The following TNIP1 variants were observed in gnomAD, a reference collection of about 807,000 sequenced individuals.
TNIP1 encodes the protein TNFAIP3 interacting protein 1.
Under a neutral mutation model 86.6 loss-of-function variants are expected in TNIP1, and 22 were observed. That is an observed-to-expected ratio of 0.25 (90% CI 0.18 to 0.36). TNIP1 has a LOEUF of 0.36. Among genes scored for constraint, TNIP1 ranks in the 10% least tolerant of loss-of-function variants. The pLI, the probability that TNIP1 is intolerant of heterozygous loss-of-function variation, is 1.00. For synonymous variants in TNIP1, 294 were observed against 313.0 expected (o/e 0.94, Z 0.64); for missense variants, 709 against 820.6 (o/e 0.86, Z 1.66).
At chr5:151,065,300 C>G (rs527591646) in intron 1 of TNIP1, among the ~76,000 whole-genome samples, 169 bp from the exon 2 acceptor site, 4 of 152,222 alleles carry the variant, frequency 2.6e-5, no homozygotes, top group Non-Finnish European at 4.4e-5. Context: ...GACGCTCTGC[C>G]TCTATTAATA....
At chr5:151,059,840 T>C (rs1407058229) in intron 5 of TNIP1, among the ~76,000 whole-genome samples, 1 of 90,088 alleles carries the variant, frequency 1.1e-5, no homozygotes, top group African/African-American at 6.0e-5. Flanking sequence ...TGTGTGTGTG[T>C]GTGTGTGTGT....
At chr5:151,072,674 C>T (rs1392392822) in intron 1 of TNIP1, among the ~76,000 whole-genome samples, 1 of 152,232 alleles carries the variant, frequency 6.6e-6, no homozygotes, top group African/African-American at 2.4e-5. Flanking sequence ...GCCCCCCCTC[C>T]AGTCCCCCAC....
chr5:151,045,394 T>C (rs1759023859), intron 9 of TNIP1, among the ~76,000 whole-genome samples: 2 of 152,108 alleles, frequency 1.3e-5, no homozygotes, highest in African/African-American at 4.8e-5. Context: ...CCAGCCAAGG[T>C]AGCTTTTAAC....
In TNIP1 at chr5:151,035,664, C is replaced by A. The variant is rs1187179448; in HGVS notation, c.1439G>T (p.Arg480Leu). The A allele has an allele frequency of 6.2e-7, 1 of 1,614,038 alleles. No individual in the cohort carries two copies. Among genetic ancestry groups the A allele is most frequent in the Admixed American group, 1.7e-5 (1 of 59,998 alleles). The change falls in exon 14 of 18, where the codon CGT becomes CTT. Residue 480 changes from arginine (R) to leucine (L), a missense_variant. Arg to Leu is a moderately radical substitution (Grantham distance 102, BLOSUM62 -2). Coordinates refer to ENST00000521591, the MANE Select transcript of TNIP1 (RefSeq NM_006058.5). ...TTCCTTCTCCTCATTCATGCGCTCA[C>A]GATCACTGCGCTCCCTCTGGAAGTC... ...EEDFQRERSDRERMNEEKEEL... is the reference protein window; with the variant it reads ...EEDFQRERSDLERMNEEKEEL...
intron 8 of TNIP1, among the ~76,000 whole-genome samples, chr5:151,046,758 C>A (rs1171015142): frequency 6.6e-6 from 1 of 152,126 alleles, no homozygotes; most frequent in Non-Finnish European, 1.5e-5. Flanking sequence ...AAAACGGGAA[C>A]ACTTTGAACA....
chr5:151,080,940 G>A lies in TNIP1; in HGVS notation c.-97C>T, dbSNP rs1254548391. The A allele has an allele frequency of 6.6e-6, 1 of 152,194 alleles. No homozygotes were observed. The highest frequency in any genetic ancestry group is 2.4e-5 in the African/African-American group (1 of 41,450). The allele number at this position is 152,194 out of a possible 1,614,324, so 9.4% of individuals were successfully genotyped here. The stretch of plus-strand genomic sequence containing the variant: ...TTGCTGCGTCCAGCCCCGAATCCAG[G>A]GACGGGGCAGCGGCCCGGGCAAGGC... On this transcript the variant is annotated 5_prime_UTR_variant, in exon 1 of 18. Transcript: ENST00000521591.
intron 8 of TNIP1, among the ~76,000 whole-genome samples, chr5:151,048,357 A>G (rs993729975): frequency 4.6e-5 from 7 of 152,040 alleles, no homozygotes; most frequent in African/African-American, 1.7e-4. Flanking sequence ...CAAGCATTGC[A>G]TCACTGAATC....
intron 16 of TNIP1, among the ~76,000 whole-genome samples, chr5:151,033,262 G>T (rs1757159745): frequency 6.6e-6 from 1 of 152,010 alleles, no homozygotes; most frequent in Admixed American, 6.6e-5. Context: ...TGAGGCTCTG[G>T]AACCTAGTTA....
intron 17 of TNIP1, among the ~76,000 whole-genome samples, chr5:151,031,168 T>C (rs959981304): frequency 1.1e-4 from 16 of 152,140 alleles, no homozygotes; most frequent in Non-Finnish European, 2.4e-4. Flanking sequence ...AGAAAATGAC[T>C]GAGCAGCCCA....
intron 8 of TNIP1, among the ~76,000 whole-genome samples, chr5:151,046,639 T>C (rs906060630): frequency 6.6e-6 from 1 of 152,100 alleles, no homozygotes; most frequent in African/African-American, 2.4e-5. Context: ...ATGCATCTTA[T>C]AGTGATGGAA....
At chr5:151,031,235 C>T (rs1395820881) in intron 17 of TNIP1, among the ~76,000 whole-genome samples, 1 of 152,194 alleles carries the variant, frequency 6.6e-6, no homozygotes. Flanking sequence ...GGTGTCCGTC[C>T]CATGGCCTCT....
intron 3 of TNIP1, 67 bp downstream of exon 3, chr5:151,063,546 T>C: frequency 6.3e-7 from 1 of 1,576,872 alleles, no homozygotes; most frequent in Non-Finnish European, 8.7e-7. Context: ...AGAAGGGAGT[T>C]CACTGTGAAG....
intron 13 of TNIP1, 110 bp from the exon 14 acceptor site, chr5:151,035,817 G>T: frequency 1.4e-6 from 2 of 1,423,272 alleles, no homozygotes; most frequent in Admixed American, 2.0e-5. Context: ...GCAGAGCTGG[G>T]GGTCGCCATG....
intron 16 of TNIP1, 62 bp downstream of exon 16, chr5:151,033,546 C>A: frequency 3.5e-6 from 4 of 1,139,056 alleles, no homozygotes; most frequent in Non-Finnish European, 5.0e-6. Flanking sequence ...ACCTTCCTCT[C>A]TGGAAGGTGT....
chr5:151,033,581 T>C, intron 16 of TNIP1, 27 bp downstream of exon 16: 2 of 1,392,050 alleles, frequency 1.4e-6, no homozygotes, highest in Non-Finnish European at 1.9e-6. Flanking sequence ...GTGTGTGCCC[T>C]GGAGCAAGGG....
At chr5:151,054,162 G>A (rs1215725280) in intron 6 of TNIP1, among the ~76,000 whole-genome samples, 2 of 152,200 alleles carry the variant, frequency 1.3e-5, no homozygotes, top group Admixed American at 1.3e-4. Context: ...ATTCTAAAGG[G>A]CACCGGAAAG....
chr5:151,063,415 T>C (rs1256248800), intron 3 of TNIP1, among the ~76,000 whole-genome samples, 198 bp downstream of exon 3: 1 of 152,224 alleles, frequency 6.6e-6, no homozygotes, highest in Non-Finnish European at 1.5e-5. Flanking sequence ...TGGCTATTTT[T>C]AACAAGATTG....
At chr5:151,063,455 T>C (rs1050218519) in intron 3 of TNIP1, among the ~76,000 whole-genome samples, 158 bp downstream of exon 3, 1 of 152,130 alleles carries the variant, frequency 6.6e-6, no homozygotes, top group Admixed American at 6.5e-5. Context: ...TCTGACCTTC[T>C]GGGGGATGTG....
At chr5:151,045,718 G>A (rs1302152674) in intron 9 of TNIP1, 143 bp downstream of exon 9, 2 of 745,326 alleles carry the variant, frequency 2.7e-6, no homozygotes, top group South Asian at 1.6e-5. Flanking sequence ...CCTCATCCAT[G>A]GGCAGGCAGG....
Sources: allele counts gnomAD v4.1 joint callset (sites outside exome capture counted in the v4.1 genomes callset), GRCh38; gene constraint gnomAD v4.1.1; transcripts MANE v1.5; gene names NCBI Gene and HGNC (gene_info 2026-07-23, HGNC 2026-07-21).